The following ADAMTSL1 variants were observed in gnomAD, a reference collection of about 807,000 sequenced individuals.
ADAMTSL1 encodes the protein ADAMTS like 1.
ADAMTSL1 carries 126 observed loss-of-function variants against 201.8 expected under a neutral mutation model. That is an observed-to-expected ratio of 0.62 (90% CI 0.54 to 0.72). The LOEUF (loss-of-function observed/expected upper bound fraction) is 0.72, where lower values mean the gene tolerates loss of function less well. Ranked by LOEUF, ADAMTSL1 falls within the 30% of genes least tolerant of loss-of-function variation. ADAMTSL1 has a pLI of 0.00. For missense variants in ADAMTSL1, 2,679 were observed against 2,277.8 expected, an observed-to-expected ratio of 1.18 and a Z score of -3.59; for synonymous variants, 1,121 against 903.4, an observed-to-expected ratio of 1.24 and a Z score of -4.32.
chr9:18,751,304 G>T (rs959574384), intron 15 of ADAMTSL1, among the ~76,000 whole-genome samples: 7 of 152,198 alleles, frequency 4.6e-5, no homozygotes, highest in African/African-American at 1.7e-4. Context: ...TGTCCATAGA[G>T]TTTTCAAGGT....
intron 14 of ADAMTSL1, chr9:18,718,222 C>T: frequency 1.3e-6 from 1 of 767,518 alleles, no homozygotes; most frequent in Non-Finnish European, 2.4e-6. Context: ...GTGTCTTTAA[C>T]TCAAAGAATC....
intron 1 of ADAMTSL1, among the ~76,000 whole-genome samples, chr9:18,089,952 G>A (rs992076691): frequency 6.6e-6 from 1 of 152,132 alleles, no homozygotes; most frequent in Non-Finnish European, 1.5e-5. Context: ...TTAGGTTAAG[G>A]TTGGTAATTA....
chr9:18,838,843 T>C (rs1349812369), intron 23 of ADAMTSL1, among the ~76,000 whole-genome samples: 1 of 148,184 alleles, frequency 6.7e-6, no homozygotes, highest in Non-Finnish European at 1.5e-5. Flanking sequence ...ACCACTACAC[T>C]GCAGCCTGGG....
chr9:18,440,991 A>C (rs1377723149), intron 2 of ADAMTSL1, among the ~76,000 whole-genome samples: 1 of 152,200 alleles, frequency 6.6e-6, no homozygotes, highest in Non-Finnish European at 1.5e-5. Context: ...AGCCATAAAA[A>C]GGAATGAAGC....
chr9:18,844,294 G>T (rs1014445223), intron 23 of ADAMTSL1, among the ~76,000 whole-genome samples: 4 of 152,172 alleles, frequency 2.6e-5, no homozygotes, highest in Non-Finnish European at 5.9e-5. Flanking sequence ...GTTTGCTAGA[G>T]GTCCACTCCA....
intron 2 of ADAMTSL1, among the ~76,000 whole-genome samples, chr9:18,210,480 T>C (rs1443195762): frequency 6.8e-6 from 1 of 147,140 alleles, no homozygotes; most frequent in African/African-American, 2.5e-5. Context: ...ATATGATATA[T>C]AAATAAATAT....
chr9:18,118,254 A>G (rs935213696), intron 1 of ADAMTSL1, among the ~76,000 whole-genome samples: 1 of 152,208 alleles, frequency 6.6e-6, no homozygotes, highest in Non-Finnish European at 1.5e-5. Context: ...CTTGCTAATG[A>G]TCAGATTTGC....
At chr9:18,177,204 A>G (rs1281695657) in intron 2 of ADAMTSL1, among the ~76,000 whole-genome samples, 1 of 152,340 alleles carries the variant, frequency 6.6e-6, no homozygotes, top group African/African-American at 2.4e-5. Flanking sequence ...TATGTATTAC[A>G]TATGCCCCAA....
At chr9:18,094,104 A>G (rs911890294) in intron 1 of ADAMTSL1, among the ~76,000 whole-genome samples, 26 of 152,154 alleles carry the variant, frequency 1.7e-4, no homozygotes, top group African/African-American at 6.0e-4. Context: ...GAGGCTAGAA[A>G]CTGGAGGTTA....
intron 7 of ADAMTSL1, among the ~76,000 whole-genome samples, chr9:18,656,519 C>T (rs530404601): frequency 1.0e-3 from 154 of 150,884 alleles, no homozygotes; most frequent in African/African-American, 3.7e-3. Flanking sequence ...GTCCCAGCTA[C>T]TCGGGAGGCT....
chr9:18,184,639 A>G (rs1424548194), intron 2 of ADAMTSL1, among the ~76,000 whole-genome samples: 1 of 152,236 alleles, frequency 6.6e-6, no homozygotes, highest in African/African-American at 2.4e-5. Flanking sequence ...AACATTAGCC[A>G]GAGATTCCCT....
At chr9:18,638,680 G>A (rs1165583830) in intron 6 of ADAMTSL1, among the ~76,000 whole-genome samples, 2 of 152,010 alleles carry the variant, frequency 1.3e-5, no homozygotes, top group African/African-American at 2.4e-5. Context: ...GTATCAAAAT[G>A]GATTTTAAAA....
intron 2 of ADAMTSL1, among the ~76,000 whole-genome samples, chr9:18,353,022 A>G (rs569863526): frequency 9.2e-5 from 14 of 152,324 alleles, no homozygotes; most frequent in Admixed American, 2.6e-4. Flanking sequence ...CTTGAGTGTT[A>G]GCATGATATG....
At chr9:17,959,592 G>A (rs1817651449) in intron 1 of ADAMTSL1, among the ~76,000 whole-genome samples, 1 of 152,026 alleles carries the variant, frequency 6.6e-6, no homozygotes, top group Non-Finnish European at 1.5e-5. Flanking sequence ...CCAAGTAGCT[G>A]GAATTACAGG....
intron 7 of ADAMTSL1, among the ~76,000 whole-genome samples, chr9:18,655,839 A>AAAAAAAAAAAAT (rs1353421587): frequency 1.1e-5 from 1 of 92,854 alleles, no homozygotes; most frequent in African/African-American, 3.6e-5. Flanking sequence ...AAAAAAAAAG[A>AAAAAAAAAAAAT]ACTTTCCAAG....
chr9:18,088,146 G>A lies in ADAMTSL1; in HGVS notation c.88-75716G>A, dbSNP rs980834070. 3.3e-5 allele frequency among the ~76,000 whole-genome samples: 5 copies of A among 152,060 alleles called. No individual in the cohort carries two copies. In the South Asian group the frequency reaches 6.2e-4, roughly 19 times the overall value. ...TAATAGTGCCAAAAACACACAATGG[G>A]GAAAGGATAGTCTCTTCAACAAATG... On this transcript the variant is annotated intron_variant, in intron 1 of 29. Coordinates refer to the ADAMTSL1 transcript ENST00000680146.
At chr9:18,614,467 C>T (rs1825579185) in intron 4 of ADAMTSL1, among the ~76,000 whole-genome samples, 1 of 152,092 alleles carries the variant, frequency 6.6e-6, no homozygotes, top group Non-Finnish European at 1.5e-5. Flanking sequence ...GAAATAGACA[C>T]AATTGTAGCT....
intron 2 of ADAMTSL1, among the ~76,000 whole-genome samples, chr9:18,452,175 A>G (rs1820433044): frequency 6.6e-6 from 1 of 152,140 alleles, no homozygotes; most frequent in Admixed American, 6.6e-5. Flanking sequence ...AGCCTCCGAA[A>G]GTGCTGGGAT....
intron 16 of ADAMTSL1, among the ~76,000 whole-genome samples, chr9:18,765,797 T>TG (rs1346980382): frequency 1.4e-4 from 22 of 152,268 alleles, no homozygotes; most frequent in African/African-American, 4.3e-4. Context: ...ATGGTCTAAA[T>TG]GGGTGATAAT....
Sources: allele counts gnomAD v4.1 joint callset (sites outside exome capture counted in the v4.1 genomes callset), GRCh38; gene constraint gnomAD v4.1.1; transcripts MANE v1.5; gene names NCBI Gene and HGNC (gene_info 2026-07-23, HGNC 2026-07-21).